TPRG1: variants seen among roughly 807,000 people sequenced by gnomAD.
TPRG1 encodes the protein tumor protein p63 regulated 1, also known as tumor protein p63-regulated gene 1 protein.
A neutral mutation model predicts 29.3 loss-of-function variants in TPRG1; 29 were observed. The ratio of observed to expected loss-of-function variants is 0.99; its 90% confidence interval spans 0.74 to 1.35. The LOEUF (loss-of-function observed/expected upper bound fraction) is 1.35, where lower values mean the gene tolerates loss of function less well. Ranked by LOEUF, TPRG1 falls within the 40% of genes most tolerant of loss-of-function variation. The probability of loss-of-function intolerance (pLI) is 0.00; values close to 1 mark genes in which losing one functional copy is unlikely to be tolerated. For synonymous variants in TPRG1, 130 were observed against 116.8 expected (o/e 1.11, Z -0.73); for missense variants, 327 against 335.0 (o/e 0.98, Z 0.19).
At chr3:189,283,815 A>G (rs7638684) in intron 4 of TPRG1, among the ~76,000 whole-genome samples, 13,278 of 152,274 alleles carry the variant, frequency 0.087, 707 homozygotes, top group African/African-American at 0.16. Flanking sequence ...AGACTAAGTT[A>G]GTTACTTGTC....
At chr3:189,178,417 T>A (rs1729779109) in intron 1 of TPRG1, among the ~76,000 whole-genome samples, 1 of 152,128 alleles carries the variant, frequency 6.6e-6, no homozygotes, top group African/African-American at 2.4e-5. Flanking sequence ...TAGTCCCAGC[T>A]ACTCGCAAGG....
At chr3:189,156,646 G>A (rs764543050) in intron 5 of TPRG1, among the ~76,000 whole-genome samples, 9 of 152,186 alleles carry the variant, frequency 5.9e-5, no homozygotes, top group Admixed American at 6.5e-5. Flanking sequence ...AAATTCATGG[G>A]AGATGCACCA....
intron 2 of TPRG1, among the ~76,000 whole-genome samples, chr3:189,001,425 C>G (rs1010305418): frequency 6.6e-6 from 1 of 152,146 alleles, no homozygotes; most frequent in Non-Finnish European, 1.5e-5. Context: ...TTGGCAGATT[C>G]AGTGTCTGGT....
intron 1 of TPRG1, among the ~76,000 whole-genome samples, chr3:189,114,013 A>AT (rs1720883676): frequency 6.6e-6 from 1 of 152,172 alleles, no homozygotes; most frequent in Admixed American, 6.5e-5. Flanking sequence ...TTGGTCAAGA[A>AT]TTTTTTGCGT....
intron 4 of TPRG1, among the ~76,000 whole-genome samples, chr3:189,079,994 G>T (rs1717480439): frequency 1.3e-5 from 2 of 152,148 alleles, no homozygotes; most frequent in African/African-American, 4.8e-5. Context: ...ACCTGATGTG[G>T]TTGGATGCAC....
intron 1 of TPRG1, among the ~76,000 whole-genome samples, chr3:189,202,842 C>T (rs1026658644): frequency 6.6e-6 from 1 of 152,130 alleles, no homozygotes; most frequent in African/African-American, 2.4e-5. Context: ...TATCTCTCAG[C>T]CCAGAACTCA....
chr3:189,142,495 T>C (rs1002790802), intron 3 of TPRG1, among the ~76,000 whole-genome samples: 4 of 152,210 alleles, frequency 2.6e-5, no homozygotes, highest in African/African-American at 9.7e-5. Context: ...ATCTCCTCCT[T>C]GTCACTTTGT....
At chr3:189,303,969 C>G (rs1721234975) in intron 4 of TPRG1, among the ~76,000 whole-genome samples, 1 of 152,176 alleles carries the variant, frequency 6.6e-6, no homozygotes, top group Non-Finnish European at 1.5e-5. Flanking sequence ...CTCACTTGAT[C>G]TAAATTCTGC....
intron 3 of TPRG1, among the ~76,000 whole-genome samples, chr3:189,234,489 G>A (rs981049213): frequency 2.0e-5 from 3 of 152,152 alleles, no homozygotes; most frequent in Admixed American, 1.3e-4. Context: ...GTAACATTCT[G>A]TATCCTGCTC....
intron 4 of TPRG1, among the ~76,000 whole-genome samples, chr3:189,278,314 C>A (rs1461342022): frequency 6.6e-6 from 1 of 151,338 alleles, no homozygotes; most frequent in Non-Finnish European, 1.5e-5. Context: ...TGCTCGAGTG[C>A]CCTGGGTGGA....
At chr3:189,033,766 CAG>C (rs1714086130) in intron 4 of TPRG1, among the ~76,000 whole-genome samples, 2 of 151,998 alleles carry the variant, frequency 1.3e-5, no homozygotes, top group Non-Finnish European at 2.9e-5. Flanking sequence ...TTAGTAGTGA[CAG>C]GGTTTCACTG....
At chr3:189,275,786 G>T (rs1447042931) in intron 4 of TPRG1, among the ~76,000 whole-genome samples, 1 of 151,828 alleles carries the variant, frequency 6.6e-6, no homozygotes, top group Non-Finnish European at 1.5e-5. Context: ...AATGAGGAAG[G>T]GCATCCAATT....
intron 5 of TPRG1, among the ~76,000 whole-genome samples, chr3:189,166,813 T>C (rs1728219491): frequency 6.6e-6 from 1 of 152,194 alleles, no homozygotes; most frequent in Non-Finnish European, 1.5e-5. Context: ...CCAATGGTAA[T>C]AGTTTCATCT....
At chr3:189,105,900 G>T (rs1195659098) in intron 1 of TPRG1, among the ~76,000 whole-genome samples, 1 of 151,998 alleles carries the variant, frequency 6.6e-6, no homozygotes, top group African/African-American at 2.4e-5. Flanking sequence ...GGGCATGTTG[G>T]GTTTGGGGAG....
At chr3:189,075,838 A>G (rs548146647) in intron 4 of TPRG1, among the ~76,000 whole-genome samples, 2 of 152,298 alleles carry the variant, frequency 1.3e-5, no homozygotes, top group African/African-American at 2.4e-5. Flanking sequence ...GCAAATCCCT[A>G]TCTTCAAGCA....
At chr3:189,088,677 A>G (rs978976485) in intron 4 of TPRG1, among the ~76,000 whole-genome samples, 5 of 152,160 alleles carry the variant, frequency 3.3e-5, no homozygotes, top group African/African-American at 1.2e-4. Context: ...CCCATTTCCT[A>G]TATCCAATCT....
At chr3:189,225,799 A>G (rs965683116) in intron 3 of TPRG1, among the ~76,000 whole-genome samples, 3 of 152,238 alleles carry the variant, frequency 2.0e-5, no homozygotes, top group African/African-American at 7.2e-5. Context: ...TGGTCTGTTC[A>G]GTAGACAGAA....
chr3:189,186,026 A>C (rs542033686), intron 1 of TPRG1, among the ~76,000 whole-genome samples: 22 of 152,202 alleles, frequency 1.4e-4, no homozygotes, highest in Non-Finnish European at 2.6e-4. Context: ...TTCCAATTTA[A>C]ATTTGATCCT....
chr3:189,193,762 G>A (rs1228136400), intron 1 of TPRG1, among the ~76,000 whole-genome samples: 1 of 150,528 alleles, frequency 6.6e-6, no homozygotes, highest in African/African-American at 2.5e-5. Context: ...GCTGCTTTAT[G>A]TATGTCTACT....
Sources: allele counts gnomAD v4.1 joint callset (sites outside exome capture counted in the v4.1 genomes callset), GRCh38; gene constraint gnomAD v4.1.1; transcripts MANE v1.5; gene names NCBI Gene and HGNC (gene_info 2026-07-23, HGNC 2026-07-21).